Variants in VTI1A observed in about 807,000 individuals in gnomAD.
The protein encoded by VTI1A is vesicle transport through interaction with t-SNAREs 1A.
A neutral mutation model predicts 34.9 loss-of-function variants in VTI1A; 22 were observed. The ratio of observed to expected loss-of-function variants is 0.63; its 90% CI spans 0.45 to 0.90. The LOEUF (loss-of-function observed/expected upper bound fraction) is 0.90. VTI1A is among the 40% of genes least tolerant of loss of function. The pLI is 0.00. For synonymous variants in VTI1A, 87 were observed against 97.3 expected, an observed-to-expected ratio of 0.89 and a Z score of 0.62; for missense variants, 268 against 275.6, an observed-to-expected ratio of 0.97 and a Z score of 0.20.
chr10:112,777,168 T>G (rs1030480231), intron 7 of VTI1A, among the ~76,000 whole-genome samples: 3 of 152,222 alleles, frequency 2.0e-5, no homozygotes, highest in Non-Finnish European at 2.9e-5. Flanking sequence ...TCAATTCCTG[T>G]CACTCTTTTG....
Position 112,447,420 on chromosome 10 carries a change from C to A in VTI1A, c.47C>A (p.Thr16Asn). Reference protein sequence around the residue: ...EGYEQDFAVLTAEITSKIARV... With the variant: ...EGYEQDFAVLNAEITSKIARV... ...TACGAGCAGGACTTCGCGGTGCTCACTGCAGAGATCACCAGCAAGATTGCG... is the reference window on the plus strand; with the variant it reads ...TACGAGCAGGACTTCGCGGTGCTCAATGCAGAGATCACCAGCAAGATTGCG... Residue 16 changes from threonine (T) to asparagine (N), a missense_variant, in exon 1 of 8, where the codon ACT (threonine) becomes AAT (asparagine). Thr to Asn is a moderately conservative substitution (Grantham distance 65, BLOSUM62 0). Transcript: ENST00000393077. 6.2e-7 allele frequency: 1 copy of A among 1,613,734 alleles called. No homozygotes were observed. Among genetic ancestry groups the A allele is most frequent in the Non-Finnish European group, 8.5e-7 (1 of 1,179,998 alleles).
At chr10:112,679,015 G>A (rs1848124660) in intron 7 of VTI1A, among the ~76,000 whole-genome samples, 1 of 151,936 alleles carries the variant, frequency 6.6e-6, no homozygotes. Flanking sequence ...TTTTTATTAT[G>A]CGGCAATTGA....
intron 2 of VTI1A, among the ~76,000 whole-genome samples, chr10:112,462,433 C>T (rs1847756325): frequency 6.6e-6 from 1 of 152,172 alleles, no homozygotes; most frequent in African/African-American, 2.4e-5. Flanking sequence ...TATAAAATAT[C>T]TTCAACAAAA....
chr10:112,458,808 A>T (rs935943182), intron 1 of VTI1A, among the ~76,000 whole-genome samples: 4 of 151,798 alleles, frequency 2.6e-5, no homozygotes, highest in Non-Finnish European at 5.9e-5. Context: ...TTGGGATTAC[A>T]GGCGCCCACC....
chr10:112,671,323 T>C (rs868515693), intron 7 of VTI1A, among the ~76,000 whole-genome samples: 2 of 152,324 alleles, frequency 1.3e-5, no homozygotes, highest in Middle Eastern at 6.8e-3. Context: ...CAACAAGCGT[T>C]TCTGATTTAG....
the VTI1A span, among the ~76,000 whole-genome samples, chr10:112,837,184 G>T: frequency 0.031 from 4,721 of 152,294 alleles, 251 homozygotes; most frequent in African/African-American, 0.11. Context: ...GCTGAGTGTG[G>T]TGTGTGGTGG....
At chr10:112,702,115 T>G (rs2133902066) in intron 7 of VTI1A, among the ~76,000 whole-genome samples, 1 of 152,252 alleles carries the variant, frequency 6.6e-6, no homozygotes, top group African/African-American at 2.4e-5. Context: ...TGGGTAGGGC[T>G]GTGGGGTGCA....
intron 7 of VTI1A, among the ~76,000 whole-genome samples, chr10:112,754,577 T>C (rs1851217719): frequency 6.6e-6 from 1 of 152,200 alleles, no homozygotes; most frequent in Non-Finnish European, 1.5e-5. Flanking sequence ...TATAAAGCTG[T>C]TAATATTTTT....
chr10:112,796,114 C>T (rs908773521), intron 7 of VTI1A, among the ~76,000 whole-genome samples: 12 of 152,086 alleles, frequency 7.9e-5, no homozygotes, highest in East Asian at 1.9e-4. Flanking sequence ...AAAGCTGTCA[C>T]GGGGCCACGC....
chr10:112,627,729 G>A (rs73350523), intron 5 of VTI1A, among the ~76,000 whole-genome samples: 1 of 152,024 alleles, frequency 6.6e-6, no homozygotes, highest in Non-Finnish European at 1.5e-5. Flanking sequence ...TATGTAACAG[G>A]ACCTGGTGCT....
intron 3 of VTI1A, among the ~76,000 whole-genome samples, chr10:112,524,114 C>T (rs1445205235): frequency 6.6e-6 from 1 of 151,834 alleles, no homozygotes; most frequent in Non-Finnish European, 1.5e-5. Context: ...GTTTGTCATT[C>T]AAAGGATTTT....
chr10:112,537,666 T>G (rs1469937982), intron 4 of VTI1A, among the ~76,000 whole-genome samples: 1 of 152,138 alleles, frequency 6.6e-6, no homozygotes, highest in African/African-American at 2.4e-5. Flanking sequence ...GAGAAACATG[T>G]GTCTCTTGTT....
rs1371924808 is a variant in VTI1A, at chr10:112,561,077, AT to A, written c.427+22754del. On this transcript the variant is annotated intron_variant, in intron 5 of 7. Transcript: ENST00000393077. ...TTCAAGTGGTTCTCTCAAAAAAAATATTTTTTTAAAAAAAGAATATTGTGTT... is the reference window on the plus strand; with the variant it reads ...TTCAAGTGGTTCTCTCAAAAAAAATATTTTTTAAAAAAAGAATATTGTGTT... Among the ~76,000 whole-genome samples, 4 of 152,248 alleles carry A rather than the reference AT, an allele frequency of 2.6e-5. No individual in the cohort carries two copies. The East Asian group carries it at 5.8e-4, about 22-fold the overall frequency.
intron 2 of VTI1A, among the ~76,000 whole-genome samples, chr10:112,461,994 G>A (rs1226300707): frequency 2.0e-5 from 3 of 152,332 alleles, no homozygotes; most frequent in Admixed American, 6.5e-5. Flanking sequence ...GGGATTACAG[G>A]CATGCACCAC....
chr10:112,673,642 C>T (rs547846592), intron 7 of VTI1A, among the ~76,000 whole-genome samples: 2 of 152,346 alleles, frequency 1.3e-5, no homozygotes, highest in East Asian at 3.9e-4. Flanking sequence ...TAGCCAGGAC[C>T]ATTCACACAA....
intron 5 of VTI1A, among the ~76,000 whole-genome samples, chr10:112,663,891 T>C (rs545081390): frequency 6.4e-4 from 98 of 152,334 alleles, no homozygotes; most frequent in African/African-American, 2.3e-3. Flanking sequence ...CTGGTTGGTG[T>C]TCTGCAATAC....
intron 3 of VTI1A, among the ~76,000 whole-genome samples, chr10:112,491,675 TAC>T (rs1172695046): frequency 6.6e-6 from 1 of 152,236 alleles, no homozygotes; most frequent in Non-Finnish European, 1.5e-5. Context: ...TGAGATATTT[TAC>T]ATTCTTTTTT....
chr10:112,506,109 A>G (rs1198608462), intron 3 of VTI1A, among the ~76,000 whole-genome samples: 1 of 152,074 alleles, frequency 6.6e-6, no homozygotes, highest in Non-Finnish European at 1.5e-5. Flanking sequence ...ACGTCCTAGA[A>G]TATACTTAAA....
At chr10:112,494,934 T>C (rs1848959493) in intron 3 of VTI1A, among the ~76,000 whole-genome samples, 1 of 152,196 alleles carries the variant, frequency 6.6e-6, no homozygotes, top group South Asian at 2.1e-4. Context: ...TTAATGTTAA[T>C]ATTGGGCTAT....
Sources: gnomAD v4.1 joint callset for allele counts (sites outside exome capture counted in the v4.1 genomes callset) on GRCh38, gnomAD v4.1.1 for gene constraint, MANE v1.5 for transcripts, NCBI Gene and HGNC (gene_info 2026-07-23, HGNC 2026-07-21) for gene names.